The following ERG variants were observed in gnomAD, a reference collection of about 807,000 sequenced individuals.
ERG encodes ETS transcription factor ERG.
Under a neutral mutation model 55.3 loss-of-function variants are expected in ERG, and 9 were observed. The ratio of observed to expected loss-of-function variants is 0.16; its 90% confidence interval spans 0.10 to 0.28. The LOEUF (loss-of-function observed/expected upper bound fraction) is 0.28. Ranked by LOEUF, ERG falls within the 10% of genes least tolerant of loss-of-function variation. The probability of loss-of-function intolerance (pLI) is 1.00; values close to 1 mark genes in which losing one functional copy is unlikely to be tolerated. For synonymous variants in ERG, 223 were observed against 237.3 expected (o/e 0.94, Z 0.55); for missense variants, 434 against 631.6 (o/e 0.69, Z 3.35).
At chr21:38,454,503 G>A (rs2058970044) in intron 1 of ERG, among the ~76,000 whole-genome samples, 1 of 151,368 alleles carries the variant, frequency 6.6e-6, no homozygotes, top group East Asian at 1.9e-4. Context: ...AACAAGTGCT[G>A]CATTATCCTT....
At chr21:38,370,500 C>T in the ERG span, among the ~76,000 whole-genome samples, 1 of 151,962 alleles carries the variant, frequency 6.6e-6, no homozygotes, top group African/African-American at 2.4e-5. Flanking sequence ...AACCGTTTTG[C>T]ACCTCAAGGT....
intron 1 of ERG, among the ~76,000 whole-genome samples, chr21:38,621,858 C>G (rs1333846232): frequency 6.6e-6 from 1 of 152,228 alleles, no homozygotes. Context: ...TGAGTCCCCA[C>G]TCATGCCTTT....
intron 1 of ERG, among the ~76,000 whole-genome samples, chr21:38,614,625 G>A (rs957574640): frequency 1.3e-5 from 2 of 152,244 alleles, no homozygotes; most frequent in African/African-American, 4.8e-5. Context: ...GTGGCAGGCA[G>A]TGGCTAGAAG....
intron 3 of ERG, among the ~76,000 whole-genome samples, chr21:38,413,161 C>T (rs1989135270): frequency 6.6e-6 from 1 of 152,182 alleles, no homozygotes; most frequent in Non-Finnish European, 1.5e-5. Context: ...CAGGTGTCAA[C>T]ATAAGAATGT....
At chr21:38,494,464 C>A (rs1568852913) in intron 1 of ERG, among the ~76,000 whole-genome samples, 1 of 152,202 alleles carries the variant, frequency 6.6e-6, no homozygotes, top group Non-Finnish European at 1.5e-5. Flanking sequence ...CCTATAATGG[C>A]TTTGGGTCTC....
intron 2 of ERG, among the ~76,000 whole-genome samples, chr21:38,545,073 T>C (rs1445164919): frequency 6.6e-6 from 1 of 152,198 alleles, no homozygotes; most frequent in East Asian, 1.9e-4. Context: ...TCTCATAATT[T>C]TTAAAATCCA....
rs191737531 is a variant in ERG at position 38,491,763 on chromosome 21, C to A, written c.18+6600G>T. 2.8e-3 allele frequency among the ~76,000 whole-genome samples: 426 copies of A among 152,214 alleles called. 1 individual carries two copies. Among genetic ancestry groups the A allele is most frequent in the African/African-American group, 9.8e-3 (406 of 41,508 alleles). ...GCGTGTTCATTATTGACGCCCAAGACGAGTGCAAGGAAGTTGATACTTGGG... is the reference window on the plus strand; with the variant it reads ...GCGTGTTCATTATTGACGCCCAAGAAGAGTGCAAGGAAGTTGATACTTGGG... On this transcript the variant is annotated intron_variant, in intron 1 of 9. Coordinates refer to ENST00000288319, the MANE Select transcript of ERG (RefSeq NM_182918.4).
Position 38,530,047 on chromosome 21 carries a change from C to T in ERG, c.-41+45615G>A, listed in dbSNP as rs116829317. Reference sequence around the variant, plus strand: ...TGTCCTGGAACAGAAGACACGAGGACTTTTGGTTTTTTAGTTTTGTTTTTG... The same window carrying T: ...TGTCCTGGAACAGAAGACACGAGGATTTTTGGTTTTTTAGTTTTGTTTTTG... On this transcript the variant is annotated intron_variant, in intron 2 of 8. Coordinates refer to the ERG transcript ENST00000398897. 8.3e-3 allele frequency among the ~76,000 whole-genome samples: 1,260 copies of T among 152,158 alleles called. 17 individuals are homozygous for T. Among genetic ancestry groups the T allele is most frequent in the African/African-American group, 0.029 (1,196 of 41,512 alleles).
intron 2 of ERG, among the ~76,000 whole-genome samples, chr21:38,426,655 G>A (rs933026732): frequency 2.0e-5 from 3 of 152,152 alleles, no homozygotes; most frequent in Non-Finnish European, 4.4e-5. Flanking sequence ...AACAGGCCAG[G>A]TGTGGTGACT....
chr21:38,514,619 G>A (rs1011179801), intron 2 of ERG, among the ~76,000 whole-genome samples: 4 of 151,782 alleles, frequency 2.6e-5, no homozygotes, highest in Admixed American at 1.3e-4. Flanking sequence ...GGAATCTACC[G>A]AAACCTACAG....
chr21:38,536,439 AC>A (rs1163080287), intron 2 of ERG, among the ~76,000 whole-genome samples: 1 of 152,110 alleles, frequency 6.6e-6, no homozygotes, highest in Non-Finnish European at 1.5e-5. Context: ...ATCCTTCCAT[AC>A]CAGATCCAGC....
chr21:38,641,438 G>C (rs1327799398), intron 1 of ERG, among the ~76,000 whole-genome samples: 2 of 152,152 alleles, frequency 1.3e-5, no homozygotes, highest in East Asian at 3.9e-4. Flanking sequence ...TGACCATCCA[G>C]TGTACAGTAT....
At chr21:38,536,308 C>A (rs2059710039) in intron 2 of ERG, among the ~76,000 whole-genome samples, 1 of 151,624 alleles carries the variant, frequency 6.6e-6, no homozygotes, top group Non-Finnish European at 1.5e-5. Context: ...AGTAGTAACA[C>A]AAAGAACAAG....
intron 2 of ERG, among the ~76,000 whole-genome samples, chr21:38,532,587 G>A (rs2059680723): frequency 6.6e-6 from 1 of 152,156 alleles, no homozygotes; most frequent in Non-Finnish European, 1.5e-5. Flanking sequence ...GAACTGGAAT[G>A]AGAACAGCCA....
Position 38,383,648 on chromosome 21 carries a change from G to C in ERG, c.1195C>G (p.Leu399Val), listed in dbSNP as rs1280909224. Residue 399 changes from leucine to valine, a missense_variant, in exon 10 of 10, where the codon CTC (leucine) becomes GTC (valine). By Grantham distance (32) the Leu-to-Val change is conservative (BLOSUM62 1). Coordinates refer to ENST00000288319, the MANE Select transcript of ERG (RefSeq NM_182918.4). The surrounding 1 kb of genome is among the most constrained non-coding windows in gnomAD (Gnocchi z 5.7). ...KFDFHGIAQA[L>V]QPHPPESSLY... ...GATGACTCCGGGGGGTGGGGCTGGA[G>C]GGCCTGGGCGATCCCGTGGAAGTCG... 1 of 1,614,054 alleles carries C rather than the reference G, an allele frequency of 6.2e-7. No individual in the cohort carries two copies. Among genetic ancestry groups the C allele is most frequent in the Admixed American group, 1.7e-5 (1 of 60,008 alleles).
chr21:38,510,898 G>C (rs1257435200), intron 2 of ERG, among the ~76,000 whole-genome samples: 1 of 152,176 alleles, frequency 6.6e-6, no homozygotes, highest in East Asian at 1.9e-4. Flanking sequence ...GTATGCTTTA[G>C]TTTAGGTGAT....
chr21:38,657,892 G>A (rs892275043), intron 1 of ERG, among the ~76,000 whole-genome samples: 11 of 152,110 alleles, frequency 7.2e-5, no homozygotes, highest in African/African-American at 2.2e-4. Context: ...CCCAAATACC[G>A]CAGTGATTTT....
At chr21:38,549,835 G>C (rs9980821) in intron 2 of ERG, among the ~76,000 whole-genome samples, 76,647 of 151,954 alleles carry the variant, frequency 0.5, 20,651 homozygotes, top group Non-Finnish European at 0.62. Context: ...GAGAGTGAGG[G>C]GAAGCGAGTG....
chr21:38,565,897 A>G (rs1215685630), intron 2 of ERG, among the ~76,000 whole-genome samples: 1 of 152,232 alleles, frequency 6.6e-6, no homozygotes, highest in East Asian at 1.9e-4. Flanking sequence ...CTGAATGATT[A>G]GATTGAAATT....
Sources: gnomAD v4.1 joint callset for allele counts (sites outside exome capture counted in the v4.1 genomes callset) on GRCh38, gnomAD v4.1.1 for gene constraint, Gnocchi (gnomAD v3.1) non-coding constraint, MANE v1.5 for transcripts, NCBI Gene and HGNC (gene_info 2026-07-23, HGNC 2026-07-21) for gene names.